ZFP3: variants seen among roughly 807,000 people sequenced by gnomAD.
ZFP3 encodes the protein zinc finger protein 3 homolog.
In ZFP3, 18 loss-of-function variants were observed where a neutral mutation model predicts 36.7. The observed-to-expected ratio is 0.49, with a 90% CI of 0.34 to 0.73. The LOEUF (loss-of-function observed/expected upper bound fraction) is 0.73. Ranked by LOEUF, ZFP3 falls within the 30% of genes least tolerant of loss-of-function variation. The probability of loss-of-function intolerance (pLI) is 0.01; values close to 1 mark genes in which losing one functional copy is unlikely to be tolerated. For missense variants in ZFP3, 495 were observed against 599.0 expected (o/e 0.83, Z 1.81); for synonymous variants, 218 against 199.0 (o/e 1.10, Z -0.81).
rs1321608961 is a variant in ZFP3, at chr17:5,094,760, C to T, written c.*1747C>T. On this transcript the variant is annotated 3_prime_UTR_variant, in exon 2 of 2. Transcript: ENST00000318833. Reference sequence around the variant, plus strand: ...GAGTGCCAGTTTACATTTTAATTTTCACATCATTTCTATGATGTGGGTACT... The same window carrying T: ...GAGTGCCAGTTTACATTTTAATTTTTACATCATTTCTATGATGTGGGTACT... 6.0e-6 allele frequency: 1 copy of T among 167,034 alleles called. No homozygotes were observed. Among genetic ancestry groups the T allele is most frequent in the African/African-American group, 2.4e-5 (1 of 41,436 alleles). 10.3% of individuals were successfully genotyped at this position (167,034 alleles called of 1,614,324 possible).
At chr17:5,082,562 C>T (rs1051332898) in intron 1 of ZFP3, among the ~76,000 whole-genome samples, 1 of 152,094 alleles carries the variant, frequency 6.6e-6, no homozygotes, top group Non-Finnish European at 1.5e-5. Context: ...GTCTCTTATT[C>T]TGTCACCCAG....
At chr17:5,080,043 G>GA (rs111980978) in intron 1 of ZFP3, among the ~76,000 whole-genome samples, 1,710 of 140,506 alleles carry the variant, frequency 0.012, 28 homozygotes, top group African/African-American at 0.036. Context: ...CATCTCCAAA[G>GA]AAAAAAAAAA....
At position 5,094,787 on chromosome 17, in the gene ZFP3, A is replaced by C. The variant is rs929622654; in HGVS notation, c.*1774A>C. The C allele has an allele frequency of 6.0e-6, 1 of 166,936 alleles. No individual in the cohort carries two copies. Among genetic ancestry groups the C allele is most frequent in the East Asian group, 1.9e-4 (1 of 5,204 alleles). 10.3% of individuals were successfully genotyped at this position (166,936 alleles called of 1,614,324 possible). On this transcript the variant is annotated 3_prime_UTR_variant, in exon 2 of 2. Transcript: ENST00000318833. ...CATCATTTCTATGATGTGGGTACTC[A>C]TTTTTTTAAAGCTTTATGAAGGTAT...
At position 5,092,067 on chromosome 17, in the gene ZFP3, T is replaced by A; in HGVS notation, c.563T>A (p.Leu188Gln). 6.2e-7 allele frequency: 1 copy of A among 1,614,248 alleles called. No homozygotes were observed. The highest frequency in any genetic ancestry group is 8.5e-7 in the Non-Finnish European group (1 of 1,180,050). ...FGTNSSLRRH[L>Q]RIHAGEKPFA... ...ACTAATTCAAGCCTTCGACGGCACC[T>A]GAGAATTCATGCTGGAGAAAAACCC... The change falls in exon 2 of 2, where the codon CTG becomes CAG. Residue 188 changes from leucine (L) to glutamine (Q), a missense_variant. Leu to Gln is a moderately radical substitution (Grantham distance 113). Transcript: ENST00000318833. The surrounding 1 kb of genome is among the most constrained non-coding windows in gnomAD (Gnocchi z 5.0).
Position 5,094,361 on chromosome 17 carries a change from T to A in ZFP3, c.*1348T>A, listed in dbSNP as rs770490299. ...GCTACCATGCCCGGCCTTGAAATTC[T>A]TTCTTCGCTATGTCTGCATGTTTTT... On this transcript the variant is annotated 3_prime_UTR_variant, in exon 2 of 2. Transcript: ENST00000318833. 7.2e-5 allele frequency: 12 copies of A among 167,162 alleles called. No individual in the cohort carries two copies. The highest frequency in any genetic ancestry group is 1.8e-4 in the Non-Finnish European group (12 of 68,130). 10.4% of individuals were successfully genotyped at this position (167,162 alleles called of 1,614,324 possible).
chr17:5,089,947 C>T (rs1371490700), intron 1 of ZFP3, among the ~76,000 whole-genome samples: 3 of 152,120 alleles, frequency 2.0e-5, no homozygotes, highest in African/African-American at 7.2e-5. Context: ...TGTGAGCCAC[C>T]ACACCCTGCC....
At chr17:5,084,882 A>G (rs1202664915) in intron 1 of ZFP3, among the ~76,000 whole-genome samples, 1 of 152,246 alleles carries the variant, frequency 6.6e-6, no homozygotes, top group Non-Finnish European at 1.5e-5. Flanking sequence ...GGCCTAATAT[A>G]TGGCTGTGCC....
rs143090541 is a variant in ZFP3, at chr17:5,083,684, G to A, written c.-9+5109G>A. On this transcript the variant is annotated intron_variant, in intron 1 of 1. Coordinates refer to ENST00000318833, the MANE Select transcript of ZFP3 (RefSeq NM_153018.3). ...TCTGAGAGATCTGAGATGGGACCTGGACATTAGTATTTTTAACAGATTTCT... is the reference window on the plus strand; with the variant it reads ...TCTGAGAGATCTGAGATGGGACCTGAACATTAGTATTTTTAACAGATTTCT... 8.5e-3 allele frequency among the ~76,000 whole-genome samples: 1,295 copies of A among 152,216 alleles called. 12 individuals are homozygous for A. The highest frequency in any genetic ancestry group is 0.013 in the Non-Finnish European group (907 of 68,014).
At position 5,092,482 on chromosome 17, in the gene ZFP3, GCAT is replaced by G. The variant is rs1567750315; in HGVS notation, c.981_983del (p.His327del). 6.2e-7 allele frequency: 1 copy of G among 1,613,972 alleles called. No homozygotes were observed. Among genetic ancestry groups the G allele is most frequent in the Non-Finnish European group, 8.5e-7 (1 of 1,179,984 alleles). ...TCGGGCAGAGTTCTGAGCTTATCCG[GCAT>G]CAGAGAATTCATACAGGGGACAAAC... On this transcript the variant is annotated inframe_deletion, in exon 2 of 2. Coordinates refer to ENST00000318833, the MANE Select transcript of ZFP3 (RefSeq NM_153018.3). The surrounding 1 kb of genome is among the most constrained non-coding windows in gnomAD (Gnocchi z 5.0).
At chr17:5,081,097 T>C (rs1207694099) in intron 1 of ZFP3, among the ~76,000 whole-genome samples, 2 of 151,492 alleles carry the variant, frequency 1.3e-5, no homozygotes, top group Non-Finnish European at 1.5e-5. Context: ...TCTGTTCTTT[T>C]TTTTTTTTTT....
At position 5,092,930 on chromosome 17, in the gene ZFP3, C is replaced by G. The variant is rs773587855; in HGVS notation, c.1426C>G (p.Pro476Ala). 22 of 1,613,732 alleles carry G rather than the reference C, an allele frequency of 1.4e-5. No homozygotes were observed. The highest frequency in any genetic ancestry group is 2.7e-5 in the African/African-American group (2 of 74,888). ...IHQRIHTGEK[P>A]YECQECQKTF... ...TCAGAGAATTCACACTGGAGAGAAG[C>G]CTTATGAGTGCCAAGAATGTCAGAA... The change falls in exon 2 of 2, where the codon CCT becomes GCT. Residue 476 changes from proline to alanine, a missense_variant. Pro to Ala is a conservative substitution (Grantham distance 27). Around this residue, in one of 3 missense-constraint regions of ZFP3, gnomAD observed 163 missense variants for 178.4 expected, o/e 0.91. Coordinates refer to ENST00000318833, the MANE Select transcript of ZFP3 (RefSeq NM_153018.3). The surrounding 1 kb of genome is among the most constrained non-coding windows in gnomAD (Gnocchi z 5.0).
Position 5,093,603 on chromosome 17 carries a change from A to G in ZFP3, c.*590A>G, listed in dbSNP as rs2072162905. On this transcript the variant is annotated 3_prime_UTR_variant, in exon 2 of 2. Coordinates refer to ENST00000318833, the MANE Select transcript of ZFP3 (RefSeq NM_153018.3). ...TAGAAAGTCATAATTTAGAAGACAC[A>G]CCTCATTCTCCTGTCCACTGTTTAG... is the stretch of plus-strand genomic sequence containing the variant. 1 of 99,158 alleles carries G rather than the reference A, an allele frequency of 1.0e-5. No homozygotes were observed. Among genetic ancestry groups the G allele is most frequent in the Admixed American group, 1.5e-4 (1 of 6,710 alleles). The allele number at this position is 99,158 out of a possible 1,614,324, so 6.1% of individuals were successfully genotyped here. A position where few individuals can be genotyped will look rare whatever the true frequency, so the allele number is the denominator to read the frequency against.
In ZFP3 at chr17:5,091,771, T is replaced by C. The variant is rs751395418; in HGVS notation, c.267T>C (p.Asn89=). ...CAAGTGAGAAAGACCGGGAGAATAATGAGAGTGAGAGAGGCTGCAGTCCCA... is the reference window on the plus strand; with the variant it reads ...CAAGTGAGAAAGACCGGGAGAATAACGAGAGTGAGAGAGGCTGCAGTCCCA... The part of the protein sequence containing the change: ...SPSSEKDREN[N]ESERGCSPSP... Residue 89 remains asparagine, a synonymous_variant, in exon 2 of 2, where the codon AAT becomes AAC. Transcript: ENST00000318833. 1.9e-6 allele frequency: 3 copies of C among 1,614,028 alleles called. No individual in the cohort carries two copies. Among genetic ancestry groups the C allele is most frequent in the South Asian group, 2.2e-5 (2 of 91,084 alleles).
At position 5,088,137 on chromosome 17, in the gene ZFP3, G is replaced by C. The variant is rs560310663; in HGVS notation, c.-8-3360G>C. On this transcript the variant is annotated intron_variant, in intron 1 of 1. Coordinates refer to ENST00000318833, the MANE Select transcript of ZFP3 (RefSeq NM_153018.3). The stretch of plus-strand genomic sequence containing the variant: ...ACTGATTCTTTGATACCTCTCTGTG[G>C]ATACCTTGAAACTCATTTTGTCCAA... Among the ~76,000 whole-genome samples the C allele has an allele frequency of 3.3e-5, 5 of 152,198 alleles. No homozygotes were observed. In the East Asian group the frequency reaches 9.6e-4, roughly 29 times the overall value.
At chr17:5,085,100 A>G (rs1337786964) in intron 1 of ZFP3, among the ~76,000 whole-genome samples, 1 of 150,736 alleles carries the variant, frequency 6.6e-6, no homozygotes, top group African/African-American at 2.4e-5. Flanking sequence ...AGTGCAGTGG[A>G]GTGATCTTGG....
At chr17:5,079,830 A>G (rs2072083899) in intron 1 of ZFP3, among the ~76,000 whole-genome samples, 1 of 152,110 alleles carries the variant, frequency 6.6e-6, no homozygotes, top group Non-Finnish European at 1.5e-5. Context: ...ACCTGAGGTC[A>G]GGAGCTCGAG....
In ZFP3 at chr17:5,093,159, TGAA is replaced by T. The variant is rs1020477519; in HGVS notation, c.*152_*154del. On this transcript the variant is annotated 3_prime_UTR_variant, in exon 2 of 2. Transcript: ENST00000318833. ...CTCCCACTGATTTTAAATAGTTGGT[TGAA>T]GAAGATGAGGCACTTTTTTTTTTTT... The T allele has an allele frequency of 2.5e-5, 22 of 889,476 alleles. No homozygotes were observed. Among genetic ancestry groups the T allele is most frequent in the Non-Finnish European group, 3.4e-5 (21 of 625,300 alleles). The allele number at this position is 889,476 out of a possible 1,614,324, so 55.1% of individuals were successfully genotyped here. A position where few individuals can be genotyped will look rare whatever the true frequency, so the allele number is the denominator to read the frequency against.
In ZFP3 at chr17:5,092,474, C is replaced by G; in HGVS notation, c.970C>G (p.Leu324Val). The G allele has an allele frequency of 6.2e-7, 1 of 1,614,170 alleles. No homozygotes were observed. Among genetic ancestry groups the G allele is most frequent in the Middle Eastern group, 1.7e-4 (1 of 6,054 alleles). The change falls in exon 2 of 2, where the codon CTT (leucine) becomes GTT (valine). Residue 324 changes from leucine (L) to valine (V), a missense_variant. Leu to Val is a conservative substitution (Grantham distance 32). Around this residue, in one of 3 missense-constraint regions of ZFP3, gnomAD observed 103 missense variants for 186.8 expected, o/e 0.55. Transcript: ENST00000318833. The surrounding 1 kb of genome is among the most constrained non-coding windows in gnomAD (Gnocchi z 5.0). Reference sequence around the variant, plus strand: ...GAAGGGCTTCGGGCAGAGTTCTGAGCTTATCCGGCATCAGAGAATTCATAC... The same window carrying G: ...GAAGGGCTTCGGGCAGAGTTCTGAGGTTATCCGGCATCAGAGAATTCATAC... ...CGKGFGQSSE[L>V]IRHQRIHTGD...
At chr17:5,086,294 A>T (rs1206488291) in intron 1 of ZFP3, among the ~76,000 whole-genome samples, 2 of 152,132 alleles carry the variant, frequency 1.3e-5, no homozygotes, top group African/African-American at 4.8e-5. Context: ...GAGGTGCCCG[A>T]GCCGGATGGT....
Sources: allele counts gnomAD v4.1 joint callset (sites outside exome capture counted in the v4.1 genomes callset), GRCh38; gene constraint gnomAD v4.1.1; regional missense constraint gnomAD v4.1.1; non-coding constraint Gnocchi (gnomAD v3.1); transcripts MANE v1.5; gene names NCBI Gene and HGNC (gene_info 2026-07-23, HGNC 2026-07-21).